The following TXNDC11 variants were observed in gnomAD, a reference collection of about 807,000 sequenced individuals.
TXNDC11 encodes the protein thioredoxin domain containing 11, also known as thioredoxin domain-containing protein 11.
TXNDC11 carries 68 observed loss-of-function variants against 78.0 expected under a neutral mutation model. The ratio of observed to expected loss-of-function variants is 0.87; its 90% CI spans 0.72 to 1.07. The LOEUF is 1.07. Ranked by LOEUF, TXNDC11 falls within the 50% of genes least tolerant of loss-of-function variation. TXNDC11 has a pLI of 0.00. For missense variants in TXNDC11, 1,389 were observed against 1,221.8 expected (o/e 1.14, Z -2.04); for synonymous variants, 571 against 495.2 (o/e 1.15, Z -2.03).
chr16:11,717,044 G>C (rs911145874), intron 5 of TXNDC11, among the ~76,000 whole-genome samples: 2 of 150,476 alleles, frequency 1.3e-5, no homozygotes, highest in South Asian at 2.1e-4. Context: ...GGAGCATAAA[G>C]TGCTAAATAA....
chr16:11,736,233 A>C lies in TXNDC11; in HGVS notation c.255T>G (p.Ser85Arg). ...ALLLALKFTCSRAKDVIIPAK... is the reference protein window; with the variant it reads ...ALLLALKFTCRRAKDVIIPAK... ...CTGGTATTATCACATCTTTTGCTCG[A>C]CTAAAAAAGAGCAAACACAGAAAAG... Residue 85 changes from serine (S) to arginine (R), a missense_variant and splice_region_variant, in exon 2 of 12, where the codon AGT (serine) becomes AGG (arginine). Transcript: ENST00000283033. The C allele has an allele frequency of 6.2e-7, 1 of 1,600,804 alleles. No individual in the cohort carries two copies.
chr16:11,692,050 A>G lies in TXNDC11; in HGVS notation c.1140T>C (p.Cys380=). The part of the protein sequence containing the change: ...ITEVALEYNN[C]HGDQVVERLL... The stretch of plus-strand genomic sequence containing the variant: ...GACGCTCCACCACCTGGTCCCCATG[A>G]CAGTTGTTGTACTCCAAGGCCACTT... Residue 380 remains cysteine, a synonymous_variant, in exon 8 of 12, where the codon TGT becomes TGC. Coordinates refer to ENST00000283033, the MANE Select transcript of TXNDC11 (RefSeq NM_015914.7). The G allele has an allele frequency of 1.3e-6, 2 of 1,537,398 alleles. No homozygotes were observed. The highest frequency in any genetic ancestry group is 1.7e-6 in the Non-Finnish European group (2 of 1,143,258).
chr16:11,692,686 G>A (rs561780652), intron 7 of TXNDC11, among the ~76,000 whole-genome samples: 2 of 152,166 alleles, frequency 1.3e-5, no homozygotes, highest in Non-Finnish European at 2.9e-5. Context: ...GTATCACCAA[G>A]AATACGCAGC....
chr16:11,707,914 C>A (rs1221913923), intron 5 of TXNDC11, among the ~76,000 whole-genome samples: 1 of 151,822 alleles, frequency 6.6e-6, no homozygotes, highest in Non-Finnish European at 1.5e-5. Context: ...GAGACCCTAG[C>A]TCTAAAAAAA....
chr16:11,740,979 T>G (rs1597509972), intron 1 of TXNDC11, among the ~76,000 whole-genome samples: 1 of 149,908 alleles, frequency 6.7e-6, no homozygotes, highest in Non-Finnish European at 1.5e-5. Flanking sequence ...AGTTGTTACA[T>G]CTTGTGGGGT....
At chr16:11,696,658 G>A (rs952170511) in intron 7 of TXNDC11, among the ~76,000 whole-genome samples, 2 of 152,180 alleles carry the variant, frequency 1.3e-5, no homozygotes, top group African/African-American at 2.4e-5. Context: ...TTAAGGGAAC[G>A]CACTCACCTC....
Position 11,687,919 on chromosome 16 carries a change from G to T in TXNDC11, c.2091C>A (p.Ser697=). Residue 697 remains serine (S), a synonymous_variant, in exon 10 of 12, where the codon TCC becomes TCA. Coordinates refer to ENST00000283033, the MANE Select transcript of TXNDC11 (RefSeq NM_015914.7). ...YYAPWCGFCP[S]LNHIFIQLAR... ...CTAGCTGGATGAAGATGTGATTGAG[G>T]GATGGACAGAAGCCGCACCACGGAG... is the stretch of plus-strand genomic sequence containing the variant. 1 of 1,613,926 alleles carries T rather than the reference G, an allele frequency of 6.2e-7. No homozygotes were observed. The highest frequency in any genetic ancestry group is 1.1e-5 in the South Asian group (1 of 91,042).
intron 5 of TXNDC11, among the ~76,000 whole-genome samples, chr16:11,705,455 C>CT (rs1330130073): frequency 6.6e-6 from 1 of 152,184 alleles, no homozygotes; most frequent in Non-Finnish European, 1.5e-5. Context: ...AAACACCACT[C>CT]TCCAGAAGCA....
At chr16:11,699,704 T>C (rs964361305) in intron 6 of TXNDC11, among the ~76,000 whole-genome samples, 1 of 152,244 alleles carries the variant, frequency 6.6e-6, no homozygotes, top group Non-Finnish European at 1.5e-5. Flanking sequence ...TTAGACATTG[T>C]GCCAAGGGGG....
At chr16:11,692,417 T>C (rs1407228124) in intron 7 of TXNDC11, among the ~76,000 whole-genome samples, 1 of 152,104 alleles carries the variant, frequency 6.6e-6, no homozygotes, top group Non-Finnish European at 1.5e-5. Context: ...AGTAACCCTT[T>C]ATTTATTAGA....
At chr16:11,736,280 T>A (rs369632943) in intron 1 of TXNDC11, 47 bp from the exon 2 acceptor site, 2 of 1,407,120 alleles carry the variant, frequency 1.4e-6, no homozygotes, top group Non-Finnish European at 2.0e-6. Flanking sequence ...TATCTTCTTC[T>A]AAAAATAGCT....
chr16:11,706,915 G>A (rs557931521), intron 5 of TXNDC11, among the ~76,000 whole-genome samples: 7 of 152,030 alleles, frequency 4.6e-5, no homozygotes, highest in Admixed American at 2.6e-4. Context: ...TTTTTTTAAC[G>A]AAACACAGAT....
chr16:11,697,431 G>A (rs78587787), intron 7 of TXNDC11, among the ~76,000 whole-genome samples: 8 of 152,070 alleles, frequency 5.3e-5, no homozygotes, highest in Non-Finnish European at 7.4e-5. Flanking sequence ...CCCCAGGCTC[G>A]CTCTGCATAC....
chr16:11,701,157 G>C (rs1319853059), intron 5 of TXNDC11, among the ~76,000 whole-genome samples: 2 of 82,600 alleles, frequency 2.4e-5, no homozygotes, highest in Non-Finnish European at 4.5e-5. Context: ...TTTTTTTTGA[G>C]ATGGAGTCTC....
intron 5 of TXNDC11, among the ~76,000 whole-genome samples, chr16:11,714,091 G>A (rs749222412): frequency 8.6e-5 from 13 of 151,794 alleles, no homozygotes; most frequent in East Asian, 7.7e-4. Flanking sequence ...ACCCAGGCCA[G>A]AAAGCAGTGG....
At position 11,703,509 on chromosome 16, in the gene TXNDC11, T is replaced by TACACAC. The variant is rs34963301; in HGVS notation, c.794-2951_794-2946dup. On this transcript the variant is annotated intron_variant, in intron 5 of 11. Transcript: ENST00000283033. The stretch of plus-strand genomic sequence containing the variant: ...ATGAGTATAAACTTAAGGCTTTTGA[T>TACACAC]ACACACACACACACACACACACACA... Among the ~76,000 whole-genome samples, 96 of 145,044 alleles carry TACACAC rather than the reference T, an allele frequency of 6.6e-4. No individual in the cohort carries two copies. The East Asian group carries it at 7.4e-3, about 11-fold the overall frequency.
At chr16:11,688,969 G>A (rs999437195) in intron 8 of TXNDC11, among the ~76,000 whole-genome samples, 73 of 151,906 alleles carry the variant, frequency 4.8e-4, no homozygotes, top group African/African-American at 1.7e-3. Flanking sequence ...ATATGTAGTG[G>A]AAAAATACAT....
chr16:11,706,523 A>G (rs984632524), intron 5 of TXNDC11, among the ~76,000 whole-genome samples: 4 of 152,258 alleles, frequency 2.6e-5, no homozygotes, highest in Non-Finnish European at 5.9e-5. Context: ...TTGAGCAGAA[A>G]TGGTCTTGTG....
At chr16:11,686,490 T>C (rs2050570562) in intron 10 of TXNDC11, among the ~76,000 whole-genome samples, 1 of 152,234 alleles carries the variant, frequency 6.6e-6, no homozygotes, top group Non-Finnish European at 1.5e-5. Context: ...GGGTCAAAAA[T>C]GTGTTAACTG....
Sources: gnomAD v4.1 joint callset for allele counts (sites outside exome capture counted in the v4.1 genomes callset) on GRCh38, gnomAD v4.1.1 for gene constraint, MANE v1.5 for transcripts, NCBI Gene and HGNC (gene_info 2026-07-23, HGNC 2026-07-21) for gene names.